Variants in GSE1 observed in about 807,000 individuals in gnomAD.
GSE1 encodes Gse1 coiled-coil protein, also known as genetic suppressor element 1.
A neutral mutation model predicts 112.6 loss-of-function variants in GSE1; 32 were observed. That is an observed-to-expected ratio of 0.28 (90% CI 0.21 to 0.38). The LOEUF (loss-of-function observed/expected upper bound fraction) is 0.38, where lower values mean the gene tolerates loss of function less well. Among genes scored for constraint, GSE1 ranks in the 10% least tolerant of loss-of-function variants. The probability of loss-of-function intolerance (pLI) is 1.00; values close to 1 mark genes in which losing one functional copy is unlikely to be tolerated. For missense variants in GSE1, 2,348 were observed against 1,699.2 expected (o/e 1.38, Z -6.71); for synonymous variants, 1,115 against 735.6 (o/e 1.52, Z -8.35).
At chr16:85,484,861 C>T (rs1231977569) in intron 2 of GSE1, among the ~76,000 whole-genome samples, 3 of 152,226 alleles carry the variant, frequency 2.0e-5, no homozygotes, top group Admixed American at 1.3e-4. Flanking sequence ...TTCCAGTTCA[C>T]GGTCTTTGGC....
chr16:85,616,800 A>G (rs1198149924), intron 1 of GSE1, among the ~76,000 whole-genome samples: 1 of 152,046 alleles, frequency 6.6e-6, no homozygotes, highest in East Asian at 1.9e-4. Flanking sequence ...GGCTGAGGCC[A>G]CAGCCTGGGA....
chr16:85,423,779 G>A (rs1198423969), intron 2 of GSE1, among the ~76,000 whole-genome samples: 6 of 152,174 alleles, frequency 3.9e-5, no homozygotes, highest in Admixed American at 6.5e-5. Flanking sequence ...CCCACCCACC[G>A]CTGCACTTGC....
At chr16:85,288,026 G>A (rs1424573637) in intron 1 of GSE1, among the ~76,000 whole-genome samples, 1 of 152,328 alleles carries the variant, frequency 6.6e-6, no homozygotes. Flanking sequence ...GATCACCTGA[G>A]GTTAGGAGTT....
At chr16:85,556,769 T>G (rs1598169881) in intron 1 of GSE1, among the ~76,000 whole-genome samples, 5 of 84,402 alleles carry the variant, frequency 5.9e-5, no homozygotes, top group African/African-American at 1.8e-4. Flanking sequence ...CCCCCAGTCC[T>G]GGGGTTTATT....
intron 2 of GSE1, among the ~76,000 whole-genome samples, chr16:85,387,300 A>T (rs2047709209): frequency 6.6e-6 from 1 of 150,694 alleles, no homozygotes; most frequent in African/African-American, 2.4e-5. Flanking sequence ...ACGCCTTGCC[A>T]TTTGCCACAG....
intron 2 of GSE1, among the ~76,000 whole-genome samples, chr16:85,636,924 AC>A (rs1023706149): frequency 1.5e-4 from 22 of 147,276 alleles, no homozygotes; most frequent in Admixed American, 9.4e-4. Context: ...CCCCTGTGCT[AC>A]CCCCCCAGCT....
In GSE1 at chr16:85,357,655, C is replaced by T. The variant is rs538049710; in HGVS notation, c.2464+12C>T. On this transcript the variant is annotated intron_variant, in intron 2 of 2. Coordinates refer to the GSE1 transcript ENST00000637419. ...CCTTACTGGTGCAGGTAGACGCCAG[C>T]TCTTTTTGTATCTCTGGGTACTGGG... The T allele has an allele frequency of 7.8e-6, 10 of 1,286,390 alleles. No individual in the cohort carries two copies. In the East Asian group the frequency reaches 3.9e-4, roughly 50 times the overall value. 79.7% of individuals were successfully genotyped at this position (1,286,390 alleles called of 1,614,324 possible).
intron 1 of GSE1, among the ~76,000 whole-genome samples, chr16:85,272,523 AT>A (rs1908944027): frequency 6.6e-6 from 1 of 152,006 alleles, no homozygotes; most frequent in Non-Finnish European, 1.5e-5. Flanking sequence ...AACCTTCTGA[AT>A]GTCTGTGGGA....
In GSE1 at chr16:85,505,927, T is replaced by A. The variant is rs556920980; in HGVS notation, c.2465-127987T>A. ...GGTCAAGGCTGTAGTGACCTGTGACTGCACCACTGCATTCCAGCCTGGGGG... is the reference window on the plus strand; with the variant it reads ...GGTCAAGGCTGTAGTGACCTGTGACAGCACCACTGCATTCCAGCCTGGGGG... On this transcript the variant is annotated intron_variant, in intron 2 of 2. Transcript: ENST00000637419. Among the ~76,000 whole-genome samples, 5 of 151,624 alleles carry A rather than the reference T, an allele frequency of 3.3e-5. No homozygotes were observed. In the South Asian group the frequency reaches 1.0e-3, roughly 32 times the overall value.
At chr16:85,590,304 G>A (rs769017041) in intron 1 of GSE1, among the ~76,000 whole-genome samples, 29 of 150,674 alleles carry the variant, frequency 1.9e-4, no homozygotes, top group Non-Finnish European at 4.0e-4. Context: ...GTGTGTGAAC[G>A]CATGGGCCCA....
chr16:85,580,719 TGGTTAAGTGAGGTTCTCA>T (rs755262718), intron 1 of GSE1, among the ~76,000 whole-genome samples: 64 of 152,278 alleles, frequency 4.2e-4, no homozygotes, highest in Non-Finnish European at 6.6e-4. Flanking sequence ...GAAATAGTTA[TGGTTAAGTGAGGTTCTCA>T]GGGTGGGCCC....
chr16:85,588,307 C>A (rs2046803177), intron 1 of GSE1, among the ~76,000 whole-genome samples: 1 of 152,228 alleles, frequency 6.6e-6, no homozygotes, highest in African/African-American at 2.4e-5. Context: ...GTCCCTGGGC[C>A]TTGAGAGAGG....
At chr16:85,197,200 G>A (rs570219562) in intron 1 of GSE1, among the ~76,000 whole-genome samples, 13 of 152,228 alleles carry the variant, frequency 8.5e-5, no homozygotes, top group African/African-American at 2.9e-4. Flanking sequence ...GTTCAGAACG[G>A]TGGACCCAGA....
intron 1 of GSE1, among the ~76,000 whole-genome samples, chr16:85,193,124 C>T (rs553891591): frequency 1.6e-4 from 24 of 152,140 alleles, no homozygotes; most frequent in Non-Finnish European, 2.9e-4. Context: ...AAACGGGTTT[C>T]CTTTTCTGGA....
intron 2 of GSE1, among the ~76,000 whole-genome samples, chr16:85,505,663 C>T (rs1318250198): frequency 6.6e-6 from 1 of 152,080 alleles, no homozygotes; most frequent in Non-Finnish European, 1.5e-5. Flanking sequence ...ATAGACACCC[C>T]TAATACATGA....
At chr16:85,255,083 G>GGGAGGC (rs978463954) in intron 1 of GSE1, among the ~76,000 whole-genome samples, 48 of 146,218 alleles carry the variant, frequency 3.3e-4, no homozygotes, top group African/African-American at 1.1e-3. Context: ...GGCCCAGAGA[G>GGGAGGC]GGAGGCGGCG....
At chr16:85,600,971 C>T (rs959246013) in intron 1 of GSE1, among the ~76,000 whole-genome samples, 3 of 151,888 alleles carry the variant, frequency 2.0e-5, no homozygotes, top group Non-Finnish European at 4.4e-5. Flanking sequence ...AAAGCAACCC[C>T]TCGGTGGGAG....
chr16:85,440,944 G>A (rs572811987), intron 2 of GSE1, among the ~76,000 whole-genome samples: 113 of 152,336 alleles, frequency 7.4e-4, no homozygotes, highest in African/African-American at 2.7e-3. Flanking sequence ...CGAGCCCTGG[G>A]CCACTTGCCG....
chr16:85,449,854 C>A (rs11149747), intron 2 of GSE1, among the ~76,000 whole-genome samples: 134,670 of 152,218 alleles, frequency 0.88, 60,424 homozygotes, highest in Middle Eastern at 0.96. Context: ...CAACAATAAT[C>A]ATCATTTCCC....
Sources: allele counts gnomAD v4.1 joint callset (sites outside exome capture counted in the v4.1 genomes callset), GRCh38; gene constraint gnomAD v4.1.1; transcripts MANE v1.5; gene names NCBI Gene and HGNC (gene_info 2026-07-23, HGNC 2026-07-21).